Variants in ZHX2 observed in about 807,000 individuals in gnomAD.
ZHX2 encodes zinc fingers and homeoboxes 2, also known as zinc fingers and homeoboxes protein 2.
In ZHX2, 6 loss-of-function variants were observed where a neutral mutation model predicts 21.9. That is an observed-to-expected ratio of 0.27 (90% CI 0.15 to 0.54). The LOEUF (loss-of-function observed/expected upper bound fraction) is 0.54, where lower values mean the gene tolerates loss of function less well. Ranked by LOEUF, ZHX2 falls within the 20% of genes least tolerant of loss-of-function variation. The probability of loss-of-function intolerance (pLI) is 0.95; values close to 1 mark genes in which losing one functional copy is unlikely to be tolerated. For missense variants in ZHX2, 908 were observed against 1,090.7 expected (o/e 0.83, Z 2.36); for synonymous variants, 434 against 437.1 (o/e 0.99, Z 0.09).
At chr8:122,812,624 A>C (rs1817954529) in intron 1 of ZHX2, among the ~76,000 whole-genome samples, 1 of 152,138 alleles carries the variant, frequency 6.6e-6, no homozygotes, top group Non-Finnish European at 1.5e-5. Context: ...TAGATCCTGG[A>C]GCTCTTAACA....
chr8:122,875,578 G>A (rs916947375), intron 2 of ZHX2, among the ~76,000 whole-genome samples: 20 of 149,400 alleles, frequency 1.3e-4, no homozygotes, highest in Admixed American at 8.9e-4. Flanking sequence ...CAGCAGCAGC[G>A]CCGGTAGCAA....
chr8:122,953,990 C>A lies in ZHX2; in HGVS notation c.2480C>A (p.Ser827Tyr). 6.2e-7 allele frequency: 1 copy of A among 1,609,694 alleles called. No individual in the cohort carries two copies. The highest frequency in any genetic ancestry group is 2.2e-5 in the East Asian group (1 of 44,822). The part of the protein sequence containing the change: ...EGVSELAESD[S>Y]DCVPAEAGQA ...GTGTCGGAACTGGCTGAATCAGACT[C>A]CGACTGCGTCCCTGCAGAGGCTGGC... Residue 827 changes from serine to tyrosine, a missense_variant, in exon 3 of 4, where the codon TCC becomes TAC. This residue lies in a region of ZHX2 where 431 missense variants were observed against 428.6 expected (regional missense o/e 1.01). Transcript: ENST00000314393. The surrounding 1 kb of genome is among the most constrained non-coding windows in gnomAD (Gnocchi z 4.6).
chr8:122,796,158 G>A (rs1445920028), intron 1 of ZHX2, among the ~76,000 whole-genome samples: 6 of 144,752 alleles, frequency 4.1e-5, no homozygotes, highest in South Asian at 2.2e-4. Flanking sequence ...ACAATGGAGC[G>A]AGACTCCATC....
chr8:122,878,079 TG>T (rs1819613276), intron 2 of ZHX2, among the ~76,000 whole-genome samples: 1 of 152,048 alleles, frequency 6.6e-6, no homozygotes, highest in Non-Finnish European at 1.5e-5. Context: ...GTTCTGTGTG[TG>T]TGTGTGTGTG....
chr8:122,894,802 A>T (rs1319264879), intron 2 of ZHX2, among the ~76,000 whole-genome samples: 1 of 152,204 alleles, frequency 6.6e-6, no homozygotes, highest in African/African-American at 2.4e-5. Context: ...ACAATAAAAA[A>T]TTTAAAAAAA....
Position 122,959,762 on chromosome 8 carries a change from T to A in ZHX2, c.*4+5734T>A, listed in dbSNP as rs144464997. 3.3e-3 allele frequency among the ~76,000 whole-genome samples: 496 copies of A among 152,280 alleles called. 3 individuals are homozygous for A. Among genetic ancestry groups the A allele is most frequent in the African/African-American group, 0.011 (472 of 41,558 alleles). On this transcript the variant is annotated intron_variant, in intron 3 of 3. Transcript: ENST00000314393. ...GAATCTGTCACCAGATATTTACTGG[T>A]GATGCTTCTCAGGGACTGCCCGTTA...
intron 1 of ZHX2, among the ~76,000 whole-genome samples, chr8:122,801,322 T>C (rs1212150948): frequency 2.0e-5 from 3 of 152,206 alleles, no homozygotes; most frequent in East Asian, 3.8e-4. Context: ...TTTCCCATAA[T>C]GACTCTTTCT....
intron 2 of ZHX2, among the ~76,000 whole-genome samples, chr8:122,924,944 C>G (rs951994657): frequency 6.6e-6 from 1 of 152,146 alleles, no homozygotes; most frequent in Non-Finnish European, 1.5e-5. Context: ...GTCTCTCCTC[C>G]TCCTTTGAAG....
At chr8:122,898,237 A>G (rs1401586794) in intron 2 of ZHX2, among the ~76,000 whole-genome samples, 3 of 152,140 alleles carry the variant, frequency 2.0e-5, no homozygotes, top group African/African-American at 7.2e-5. Context: ...TCTTTGTTCC[A>G]AAGCTCTTGT....
At chr8:122,913,889 C>T (rs1820537802) in intron 2 of ZHX2, among the ~76,000 whole-genome samples, 1 of 152,188 alleles carries the variant, frequency 6.6e-6, no homozygotes. Context: ...GCCCAAGCCA[C>T]CAAGTCATGG....
At chr8:122,899,802 G>A (rs567153904) in intron 2 of ZHX2, among the ~76,000 whole-genome samples, 17 of 152,332 alleles carry the variant, frequency 1.1e-4, no homozygotes, top group African/African-American at 3.8e-4. Flanking sequence ...AATTATGCAG[G>A]CAGTTTAATG....
At chr8:122,784,220 T>C (rs1349903691) in intron 1 of ZHX2, among the ~76,000 whole-genome samples, 1 of 152,260 alleles carries the variant, frequency 6.6e-6, no homozygotes, top group Non-Finnish European at 1.5e-5. Flanking sequence ...GCTGTACACT[T>C]ATCAAAAATA....
chr8:122,817,354 C>A (rs1164418729), intron 1 of ZHX2, among the ~76,000 whole-genome samples: 1 of 152,188 alleles, frequency 6.6e-6, no homozygotes, highest in African/African-American at 2.4e-5. Context: ...TGCCCAGCAC[C>A]AGACCTTTGC....
chr8:122,953,810 C>G lies in ZHX2; in HGVS notation c.2300C>G (p.Ala767Gly). Reference protein sequence around the residue: ...KDCLPAKPSEATSDRSEGSSR... With the variant: ...KDCLPAKPSEGTSDRSEGSSR... The stretch of plus-strand genomic sequence containing the variant: ...TGTTTGCCAGCAAAGCCCTCAGAGG[C>G]CACCTCAGACCGGTCAGAGGGCAGC... The change falls in exon 3 of 4, where the codon GCC (alanine) becomes GGC (glycine). Residue 767 changes from alanine (A) to glycine (G), a missense_variant. By Grantham distance (60) the Ala-to-Gly change is moderately conservative (BLOSUM62 0). Around this residue, in one of 4 missense-constraint regions of ZHX2, gnomAD observed 431 missense variants for 428.6 expected, o/e 1.01. Transcript: ENST00000314393. This position sits in a 1 kb window ranked among gnomAD's most constrained non-coding sequence, Gnocchi z 4.6. 1 of 1,614,234 alleles carries G rather than the reference C, an allele frequency of 6.2e-7. No homozygotes were observed. The highest frequency in any genetic ancestry group is 8.5e-7 in the Non-Finnish European group (1 of 1,180,028).
At chr8:122,873,379 C>T (rs998155768) in intron 2 of ZHX2, among the ~76,000 whole-genome samples, 1 of 147,344 alleles carries the variant, frequency 6.8e-6, no homozygotes, top group Non-Finnish European at 1.6e-5. Context: ...GAAGTGTCAT[C>T]TCCCCCGGGG....
At chr8:122,829,062 A>G (rs1818318905) in intron 1 of ZHX2, among the ~76,000 whole-genome samples, 1 of 152,260 alleles carries the variant, frequency 6.6e-6, no homozygotes, top group African/African-American at 2.4e-5. Context: ...CTGTAATAGT[A>G]AGGGTAGCTG....
intron 1 of ZHX2, among the ~76,000 whole-genome samples, chr8:122,805,984 A>G (rs1817815367): frequency 1.3e-5 from 2 of 151,824 alleles, no homozygotes; most frequent in Non-Finnish European, 2.9e-5. Context: ...GGTTAATATC[A>G]CCTCCTCTGG....
At chr8:122,960,665 A>T (rs755348392) in intron 3 of ZHX2, among the ~76,000 whole-genome samples, 4 of 152,172 alleles carry the variant, frequency 2.6e-5, no homozygotes, top group Non-Finnish European at 5.9e-5. Flanking sequence ...CAGAAGAAAC[A>T]ACATACTCAA....
At position 122,928,792 on chromosome 8, in the gene ZHX2, A is replaced by G. The variant is rs141449219; in HGVS notation, c.-219-22500A>G. Among the ~76,000 whole-genome samples the G allele has an allele frequency of 2.9e-4, 44 of 152,324 alleles. No individual in the cohort carries two copies. In the East Asian group the frequency reaches 4.1e-3, roughly 14 times the overall value. On this transcript the variant is annotated intron_variant, in intron 2 of 3. Transcript: ENST00000314393. ...CACCCTGGGCCAACGGGGGTATCCA[A>G]GATGACTCTTGTGTTTGCCAACCTG...
Sources: gnomAD v4.1 joint callset for allele counts (sites outside exome capture counted in the v4.1 genomes callset) on GRCh38, gnomAD v4.1.1 for gene constraint, gnomAD v4.1.1 regional missense constraint, Gnocchi (gnomAD v3.1) non-coding constraint, MANE v1.5 for transcripts, NCBI Gene and HGNC (gene_info 2026-07-23, HGNC 2026-07-21) for gene names.